Variants in TNKS observed in about 807,000 individuals in gnomAD.
TNKS encodes the protein poly [ADP-ribose] polymerase tankyrase-1.
Under a neutral mutation model 135.8 loss-of-function variants are expected in TNKS, and 72 were observed. The observed-to-expected ratio is 0.53, with a 90% confidence interval of 0.44 to 0.64. The LOEUF (loss-of-function observed/expected upper bound fraction) is 0.64, where lower values mean the gene tolerates loss of function less well. TNKS is among the 30% of genes least tolerant of loss of function. The pLI is 0.00. For missense variants in TNKS, 1,769 were observed against 1,674.0 expected, an observed-to-expected ratio of 1.06 and a Z score of -0.99; for synonymous variants, 849 against 649.3, an observed-to-expected ratio of 1.31 and a Z score of -4.68.
At chr8:9,764,481 C>T (rs1017692927) in intron 22 of TNKS, among the ~76,000 whole-genome samples, 1 of 151,712 alleles carries the variant, frequency 6.6e-6, no homozygotes, top group African/African-American at 2.4e-5. Flanking sequence ...AATATGTTTC[C>T]CCATTGTGTT....
At position 9,583,400 on chromosome 8, in the gene TNKS, C is replaced by T. The variant is rs73195525; in HGVS notation, c.898+3017C>T. Among the ~76,000 whole-genome samples, 267 of 152,162 alleles carry T rather than the reference C, an allele frequency of 1.8e-3. 3 individuals carry two copies. Among genetic ancestry groups the T allele is most frequent in the Middle Eastern group, 3.4e-3 (1 of 294 alleles). On this transcript the variant is annotated intron_variant, in intron 2 of 26. Transcript: ENST00000310430. ...CTTCAGAAATCAATACATTTTCTGC[C>T]TTTAGAACTTATTTATCTTTGCTTC...
rs1801211131 is a variant in TNKS at position 9,653,289 on chromosome 8, G to A, written c.995-26662G>A. On this transcript the variant is annotated intron_variant, in intron 3 of 26. Coordinates refer to ENST00000310430, the MANE Select transcript of TNKS (RefSeq NM_003747.3). ...GATAGGTTTGACTTCAGGGTCTGCT[G>A]GATCTGGGGACTCAAACTGTATCAT... 2.0e-5 allele frequency among the ~76,000 whole-genome samples: 3 copies of A among 152,124 alleles called. No individual in the cohort carries two copies. In the South Asian group the frequency reaches 6.2e-4, roughly 31 times the overall value.
intron 11 of TNKS, among the ~76,000 whole-genome samples, chr8:9,716,792 A>AT (rs1190624246): frequency 7.3e-5 from 11 of 150,514 alleles, no homozygotes; most frequent in African/African-American, 2.7e-4. Context: ...TGCAGACTGG[A>AT]TTTTTCTGTA....
At chr8:9,714,011 C>G (rs936306263) in intron 11 of TNKS, among the ~76,000 whole-genome samples, 1 of 152,176 alleles carries the variant, frequency 6.6e-6, no homozygotes, top group Non-Finnish European at 1.5e-5. Context: ...CTGCCTTCCC[C>G]TACTCTTGAT....
At chr8:9,687,205 T>G (rs1216230216) in intron 5 of TNKS, among the ~76,000 whole-genome samples, 1 of 152,322 alleles carries the variant, frequency 6.6e-6, no homozygotes, top group African/African-American at 2.4e-5. Context: ...AGTTTTAAAT[T>G]TCCAACTTTT....
chr8:9,674,588 C>G (rs1379485596), intron 3 of TNKS, among the ~76,000 whole-genome samples: 2 of 152,184 alleles, frequency 1.3e-5, no homozygotes, highest in Non-Finnish European at 2.9e-5. Context: ...GAGGTACTAG[C>G]TAGTTACCTG....
intron 20 of TNKS, among the ~76,000 whole-genome samples, chr8:9,752,978 A>T (rs1055513846): frequency 6.6e-6 from 1 of 151,908 alleles, no homozygotes; most frequent in African/African-American, 2.4e-5. Flanking sequence ...AAAAAAAAAA[A>T]AAAGAAAGAC....
At chr8:9,731,732 T>C (rs960196864) in intron 14 of TNKS, among the ~76,000 whole-genome samples, 3 of 152,258 alleles carry the variant, frequency 2.0e-5, no homozygotes, top group African/African-American at 7.2e-5. Context: ...TATCAGTACT[T>C]AATAGTCTCA....
At chr8:9,620,996 G>T (rs958301950) in intron 3 of TNKS, among the ~76,000 whole-genome samples, 3 of 152,080 alleles carry the variant, frequency 2.0e-5, no homozygotes, top group African/African-American at 7.2e-5. Flanking sequence ...TGATAATTGG[G>T]GGCAGCATAT....
intron 5 of TNKS, among the ~76,000 whole-genome samples, chr8:9,687,078 C>T (rs544380026): frequency 1.3e-5 from 2 of 152,138 alleles, no homozygotes; most frequent in Non-Finnish European, 2.9e-5. Flanking sequence ...GCCCTTTTCC[C>T]CTTTAAGAAA....
At chr8:9,721,074 G>T (rs1804854826) in intron 12 of TNKS, among the ~76,000 whole-genome samples, 1 of 151,874 alleles carries the variant, frequency 6.6e-6, no homozygotes, top group African/African-American at 2.4e-5. Flanking sequence ...GAGGACAGGA[G>T]ATCGAGACCA....
chr8:9,654,389 T>C (rs1353538498), intron 3 of TNKS, among the ~76,000 whole-genome samples: 1 of 152,094 alleles, frequency 6.6e-6, no homozygotes, highest in Non-Finnish European at 1.5e-5. Flanking sequence ...AAAACATGCT[T>C]TTACAAAAAA....
Position 9,735,407 on chromosome 8 carries a change from A to G in TNKS, c.2564A>G (p.Tyr855Cys). 6.2e-7 allele frequency: 1 copy of G among 1,614,094 alleles called. No individual in the cohort carries two copies. Among genetic ancestry groups the G allele is most frequent in the African/African-American group, 1.3e-5 (1 of 75,024 alleles). Reference sequence around the variant, plus strand: ...TATAATAACCTGGAAGTAGCTGAATATCTTCTAGAGCATGGAGCTGATGTT... The same window carrying G: ...TATAATAACCTGGAAGTAGCTGAATGTCTTCTAGAGCATGGAGCTGATGTT... Reference protein sequence around the residue: ...AGYNNLEVAEYLLEHGADVNA... With the variant: ...AGYNNLEVAECLLEHGADVNA... The change falls in exon 17 of 27, where the codon TAT becomes TGT. Residue 855 changes from tyrosine to cysteine, a missense_variant. Physicochemically the swap from Tyr to Cys is radical, Grantham distance 194. This residue lies in a region of TNKS where 722 missense variants were observed against 688.9 expected (regional missense o/e 1.05). Coordinates refer to ENST00000310430, the MANE Select transcript of TNKS (RefSeq NM_003747.3).
At chr8:9,625,495 C>A (rs1423034568) in intron 3 of TNKS, among the ~76,000 whole-genome samples, 1 of 151,310 alleles carries the variant, frequency 6.6e-6, no homozygotes, top group Non-Finnish European at 1.5e-5. Flanking sequence ...ACCTTTTTTC[C>A]CCTTTTTCCT....
intron 17 of TNKS, chr8:9,740,826 G>GTTGTTTTT (rs1554482056): frequency 8.7e-5 from 9 of 103,578 alleles, no homozygotes; most frequent in East Asian, 3.1e-4. Flanking sequence ...AATTCTTGTT[G>GTTGTTTTT]TTTTTTTTTT....
intron 3 of TNKS, among the ~76,000 whole-genome samples, chr8:9,675,700 T>G (rs1318887379): frequency 6.6e-6 from 1 of 152,218 alleles, no homozygotes; most frequent in Non-Finnish European, 1.5e-5. Flanking sequence ...TTATTACTAT[T>G]TGTTACTCTC....
chr8:9,573,599 A>G (rs1797840203), intron 1 of TNKS, among the ~76,000 whole-genome samples: 1 of 152,184 alleles, frequency 6.6e-6, no homozygotes, highest in African/African-American at 2.4e-5. Context: ...TCCATGAGTT[A>G]TTTTCCTAGA....
intron 17 of TNKS, among the ~76,000 whole-genome samples, chr8:9,745,651 G>A (rs973106068): frequency 2.0e-5 from 3 of 152,004 alleles, no homozygotes; most frequent in Admixed American, 6.6e-5. Flanking sequence ...ATGATCTGCT[G>A]GCCTCGGCCT....
intron 3 of TNKS, among the ~76,000 whole-genome samples, chr8:9,625,428 A>G (rs1246842419): frequency 6.7e-6 from 1 of 150,196 alleles, no homozygotes; most frequent in African/African-American, 2.5e-5. Flanking sequence ...TTTTCTGCTT[A>G]TTTTGGGCTC....
Sources: allele counts gnomAD v4.1 joint callset (sites outside exome capture counted in the v4.1 genomes callset), GRCh38; gene constraint gnomAD v4.1.1; regional missense constraint gnomAD v4.1.1; transcripts MANE v1.5; gene names NCBI Gene and HGNC (gene_info 2026-07-23, HGNC 2026-07-21).